Variants in IL1RAPL1 observed in about 807,000 individuals in gnomAD.
IL1RAPL1 encodes the protein interleukin 1 receptor accessory protein like 1.
In IL1RAPL1, 3 loss-of-function variants were observed where a neutral mutation model predicts 48.4. That is an observed-to-expected ratio of 0.06 (90% CI 0.03 to 0.16). The LOEUF is 0.16. Among genes scored for constraint, IL1RAPL1 ranks in the 10% least tolerant of loss-of-function variants. The pLI is 1.00. For missense variants in IL1RAPL1, 349 were observed against 530.6 expected (o/e 0.66, Z 3.36); for synonymous variants, 185 against 187.7 (o/e 0.99, Z 0.12).
At chrX:28,764,984 T>A (rs1174470697) in intron 1 of IL1RAPL1, among the ~76,000 whole-genome samples, 1 of 110,651 alleles carries the variant, frequency 9.0e-6, no homozygotes, top group African/African-American at 3.3e-5. Flanking sequence ...TAAAAAAGGA[T>A]GAGTTCATGT....
chrX:28,633,080 G>A (rs753431299), intron 1 of IL1RAPL1, among the ~76,000 whole-genome samples: 1 of 109,983 alleles, frequency 9.1e-6, no homozygotes, highest in Admixed American at 9.8e-5. Context: ...GTAGAGACGG[G>A]TTTTCGCCAT....
intron 2 of IL1RAPL1, among the ~76,000 whole-genome samples, chrX:29,034,872 T>A (rs961729095): frequency 1.1e-4 from 12 of 109,196 alleles, no homozygotes; most frequent in African/African-American, 4.0e-4. Flanking sequence ...TTTTCTTTAT[T>A]GAGACAGAGT....
chrX:29,027,832 A>G (rs751866703), intron 2 of IL1RAPL1, among the ~76,000 whole-genome samples: 1 of 111,033 alleles, frequency 9.0e-6, no homozygotes, highest in Non-Finnish European at 1.9e-5. Flanking sequence ...CCATCTATAT[A>G]TCTTCTTTGG....
intron 1 of IL1RAPL1, among the ~76,000 whole-genome samples, chrX:28,737,177 C>CT (rs1569161850): frequency 9.7e-5 from 7 of 72,463 alleles, no homozygotes; most frequent in African/African-American, 3.5e-4. Context: ...TTCCTTCCTT[C>CT]CTTTCTTTCC....
intron 2 of IL1RAPL1, among the ~76,000 whole-genome samples, chrX:28,977,362 C>T (rs1486138421): frequency 4.5e-5 from 5 of 111,988 alleles, no homozygotes; most frequent in Non-Finnish European, 9.4e-5. Flanking sequence ...GGTTGTCTTA[C>T]ATGGCCAGAG....
At chrX:29,783,542 G>T (rs7473201) in intron 6 of IL1RAPL1, among the ~76,000 whole-genome samples, 3,384 of 111,525 alleles carry the variant, frequency 0.03, 125 homozygotes, top group African/African-American at 0.11. Context: ...GTTGGAGGTC[G>T]GTAGTCTGGG....
intron 1 of IL1RAPL1, among the ~76,000 whole-genome samples, chrX:28,701,581 T>G (rs946907674): frequency 2.7e-5 from 3 of 112,021 alleles, no homozygotes; most frequent in African/African-American, 9.7e-5. Flanking sequence ...TTTTATTGAG[T>G]CTGATTCTCT....
At chrX:29,719,605 G>A (rs1001140491) in intron 6 of IL1RAPL1, among the ~76,000 whole-genome samples, 2 of 110,175 alleles carry the variant, frequency 1.8e-5, no homozygotes, top group African/African-American at 6.6e-5. Context: ...TGATGCTTGG[G>A]TTTTGCAACA....
At chrX:29,772,964 TA>T (rs201129286) in intron 6 of IL1RAPL1, among the ~76,000 whole-genome samples, 8 of 110,142 alleles carry the variant, frequency 7.3e-5, no homozygotes, top group Middle Eastern at 4.8e-3. Context: ...CATTTCTAGT[TA>T]AAAAAAAATC....
At chrX:29,079,031 G>T (rs187718911) in intron 2 of IL1RAPL1, among the ~76,000 whole-genome samples, 3 of 112,161 alleles carry the variant, frequency 2.7e-5, no homozygotes, top group Non-Finnish European at 5.6e-5. Context: ...ACACAATAAA[G>T]TACTGCTGTA....
intron 5 of IL1RAPL1, among the ~76,000 whole-genome samples, chrX:29,528,284 C>T (rs1184824252): frequency 8.9e-6 from 1 of 112,334 alleles, no homozygotes; most frequent in African/African-American, 3.2e-5. Context: ...GCTGGATAAA[C>T]TATAGTACAT....
chrX:29,661,997 A>G (rs1449833105), intron 5 of IL1RAPL1, among the ~76,000 whole-genome samples: 1 of 110,831 alleles, frequency 9.0e-6, no homozygotes, highest in Non-Finnish European at 1.9e-5. Context: ...TTGAACACCA[A>G]AATGCCAGAG....
chrX:28,850,828 CT>C (rs991130997), intron 2 of IL1RAPL1, among the ~76,000 whole-genome samples: 1 of 103,739 alleles, frequency 9.6e-6, no homozygotes, highest in East Asian at 3.3e-4. Context: ...TTATATACCC[CT>C]ATGGTTTTTT....
At chrX:29,131,908 T>C (rs1478939854) in intron 2 of IL1RAPL1, among the ~76,000 whole-genome samples, 1 of 111,650 alleles carries the variant, frequency 9.0e-6, no homozygotes, top group Non-Finnish European at 1.9e-5. Flanking sequence ...CTTTATGGCT[T>C]TACTTGAAGG....
intron 6 of IL1RAPL1, among the ~76,000 whole-genome samples, chrX:29,732,450 T>C (rs774863915): frequency 1.8e-5 from 2 of 111,699 alleles, no homozygotes; most frequent in South Asian, 7.5e-4. Context: ...CCCTTCATAA[T>C]GTGATCTCCA....
At chrX:29,459,260 A>G (rs1319266977) in intron 5 of IL1RAPL1, among the ~76,000 whole-genome samples, 1 of 111,942 alleles carries the variant, frequency 8.9e-6, no homozygotes, top group Non-Finnish European at 1.9e-5. Context: ...AATTTTTATG[A>G]ACACTGAGCA....
intron 2 of IL1RAPL1, among the ~76,000 whole-genome samples, chrX:28,863,579 T>C (rs1035884306): frequency 5.4e-5 from 6 of 111,525 alleles, no homozygotes; most frequent in African/African-American, 2.0e-4. Context: ...TTATTTATTA[T>C]AATAACTGTT....
chrX:28,914,855 A>G (rs1923447230), intron 2 of IL1RAPL1, among the ~76,000 whole-genome samples: 1 of 112,424 alleles, frequency 8.9e-6, no homozygotes, highest in South Asian at 3.7e-4. Flanking sequence ...TCGCTTGGTA[A>G]AGAGGATATT....
chrX:29,055,694 A>G (rs1024933093), intron 2 of IL1RAPL1, among the ~76,000 whole-genome samples: 1 of 112,210 alleles, frequency 8.9e-6, no homozygotes, highest in African/African-American at 3.2e-5. Flanking sequence ...TAGGAGGATA[A>G]TGTTTAAAAT....
Sources: allele counts gnomAD v4.1 joint callset (sites outside exome capture counted in the v4.1 genomes callset), GRCh38; gene constraint gnomAD v4.1.1; transcripts MANE v1.5; gene names NCBI Gene and HGNC (gene_info 2026-07-23, HGNC 2026-07-21).